CNTLN: variants seen among roughly 807,000 people sequenced by gnomAD.
The protein encoded by CNTLN is centlein, centrosomal protein.
CNTLN carries 212 observed loss-of-function variants against 180.0 expected under a neutral mutation model. The observed-to-expected ratio is 1.18, with a 90% CI of 1.05 to 1.32. The LOEUF (loss-of-function observed/expected upper bound fraction) is 1.32. Ranked by LOEUF, CNTLN falls within the 40% of genes most tolerant of loss-of-function variation. CNTLN has a pLI of 0.00. For synonymous variants in CNTLN, 722 were observed against 563.1 expected (o/e 1.28, Z -3.99); for missense variants, 2,095 against 1,610.9 (o/e 1.30, Z -5.14).
At chr9:17,269,635 T>G in intron 5 of CNTLN, among the ~76,000 whole-genome samples, 1 of 152,300 alleles carries the variant, frequency 6.6e-6, no homozygotes, top group Non-Finnish European at 1.5e-5. Flanking sequence ...AAAAAATACT[T>G]TATATAATTT....
chr9:17,386,066 T>C (rs980170993), intron 13 of CNTLN, among the ~76,000 whole-genome samples: 2 of 152,224 alleles, frequency 1.3e-5, no homozygotes, highest in African/African-American at 4.8e-5. Context: ...CAAATTGATA[T>C]AATCACAAAC....
chr9:17,135,086 C>A lies in CNTLN; in HGVS notation c.21C>A (p.Pro7=). The change falls in exon 1 of 26, where the codon CCC becomes CCA. Residue 7 remains proline, a synonymous_variant. Transcript: ENST00000380647. ...CAGCCATGGCGGCGCGTTCGCCTCCCTCACCGCACCCTTCGCCCCCAGCGC... is the reference window on the plus strand; with the variant it reads ...CAGCCATGGCGGCGCGTTCGCCTCCATCACCGCACCCTTCGCCCCCAGCGC... The part of the protein sequence containing the change: MAARSP[P]SPHPSPPARQ... 1 of 1,602,140 alleles carries A rather than the reference C, an allele frequency of 6.2e-7. No individual in the cohort carries two copies. Among genetic ancestry groups the A allele is most frequent in the Non-Finnish European group, 8.5e-7 (1 of 1,177,106 alleles).
chr9:17,399,746 T>C (rs994472814), intron 15 of CNTLN, among the ~76,000 whole-genome samples: 1 of 152,176 alleles, frequency 6.6e-6, no homozygotes, highest in Non-Finnish European at 1.5e-5. Flanking sequence ...CTCTGTGACC[T>C]TCTCCCCTGA....
At chr9:17,480,027 T>A (rs1832557243) in intron 23 of CNTLN, among the ~76,000 whole-genome samples, 1 of 152,094 alleles carries the variant, frequency 6.6e-6, no homozygotes, top group Non-Finnish European at 1.5e-5. Context: ...GTGCATATAT[T>A]TATTTCACAG....
chr9:17,259,653 T>G (rs1208873545), intron 5 of CNTLN, among the ~76,000 whole-genome samples: 10 of 151,074 alleles, frequency 6.6e-5, no homozygotes, highest in African/African-American at 1.2e-4. Flanking sequence ...CAATTTCAGA[T>G]CCTGTTATTG....
At chr9:17,277,384 C>T (rs969684432) in intron 6 of CNTLN, among the ~76,000 whole-genome samples, 2 of 152,094 alleles carry the variant, frequency 1.3e-5, no homozygotes, top group Middle Eastern at 3.4e-3. Flanking sequence ...CAGACAGAAT[C>T]CTGAAATTGG....
chr9:17,519,763 T>C, the CNTLN span, among the ~76,000 whole-genome samples: 1 of 152,220 alleles, frequency 6.6e-6, no homozygotes, highest in African/African-American at 2.4e-5. Flanking sequence ...CTTAAGTAAT[T>C]TTAACATGCA....
chr9:17,395,078 C>G lies in CNTLN; in HGVS notation c.2615+9C>G. On this transcript the variant is annotated intron_variant, in intron 15 of 25. Coordinates refer to ENST00000380647, the MANE Select transcript of CNTLN (RefSeq NM_017738.4). ...GATGTGAGTGAAAGCAGGTAAGGCT[C>G]TCATTAACTTAGCTCTGTGGTGGGG... The G allele has an allele frequency of 1.9e-6, 3 of 1,596,244 alleles. No homozygotes were observed. Among genetic ancestry groups the G allele is most frequent in the Admixed American group, 1.7e-5 (1 of 58,934 alleles).
chr9:17,322,907 C>A (rs2133051995), intron 8 of CNTLN, among the ~76,000 whole-genome samples: 1 of 152,206 alleles, frequency 6.6e-6, no homozygotes, highest in East Asian at 1.9e-4. Flanking sequence ...ACAACACAAG[C>A]TTTTTTATAT....
chr9:17,240,121 G>GTCT (rs74778678), intron 5 of CNTLN, among the ~76,000 whole-genome samples: 34,017 of 151,816 alleles, frequency 0.22, 5,109 homozygotes, highest in African/African-American at 0.43. Context: ...ACTTATTTTG[G>GTCT]TCTTCAATTT....
intron 5 of CNTLN, among the ~76,000 whole-genome samples, chr9:17,272,163 G>A (rs536268864): frequency 4.1e-4 from 50 of 123,426 alleles, no homozygotes; most frequent in South Asian, 1.8e-3. Context: ...TGCAACCTCC[G>A]CCTCCTGGGT....
intron 13 of CNTLN, among the ~76,000 whole-genome samples, chr9:17,386,198 T>C (rs1294032323): frequency 1.3e-5 from 2 of 151,366 alleles, no homozygotes; most frequent in Admixed American, 1.3e-4. Flanking sequence ...GAATACAAAG[T>C]AAAAGATTGC....
chr9:17,393,237 C>T (rs1367915851), intron 14 of CNTLN, among the ~76,000 whole-genome samples: 4 of 152,108 alleles, frequency 2.6e-5, no homozygotes, highest in African/African-American at 9.7e-5. Context: ...CTTCCAAAGG[C>T]GCCACCTCAT....
chr9:17,418,315 A>T (rs188033670), intron 18 of CNTLN, among the ~76,000 whole-genome samples: 1 of 152,172 alleles, frequency 6.6e-6, no homozygotes, highest in Non-Finnish European at 1.5e-5. Flanking sequence ...TGGAGAAATA[A>T]CTGATGTGGT....
intron 6 of CNTLN, among the ~76,000 whole-genome samples, chr9:17,294,662 A>G (rs929155114): frequency 6.7e-6 from 1 of 148,500 alleles, no homozygotes; most frequent in East Asian, 2.0e-4. Flanking sequence ...GCTGCCTGCC[A>G]GTCCCGTGCC....
chr9:17,397,646 A>G (rs945705740), intron 15 of CNTLN, among the ~76,000 whole-genome samples: 2 of 152,100 alleles, frequency 1.3e-5, no homozygotes, highest in Non-Finnish European at 1.5e-5. Flanking sequence ...TAGATTGCCT[A>G]ACTTACTGGG....
intron 18 of CNTLN, among the ~76,000 whole-genome samples, chr9:17,423,019 G>C (rs1828828516): frequency 6.6e-6 from 1 of 152,128 alleles, no homozygotes; most frequent in Admixed American, 6.5e-5. Context: ...AGAATTCCCT[G>C]GATTGCCAGA....
chr9:17,202,644 C>CTTTTTTT (rs1822613363), intron 2 of CNTLN, among the ~76,000 whole-genome samples: 2 of 87,094 alleles, frequency 2.3e-5, no homozygotes, highest in African/African-American at 5.3e-5. Context: ...ATTGCAACCT[C>CTTTTTTT]TGTTTTTTTT....
intron 12 of CNTLN, among the ~76,000 whole-genome samples, chr9:17,359,582 C>T (rs137911447): frequency 2.0e-5 from 3 of 151,324 alleles, no homozygotes; most frequent in African/African-American, 7.3e-5. Flanking sequence ...ACAGATATTT[C>T]ACATAAGAGG....
Sources: allele counts gnomAD v4.1 joint callset (sites outside exome capture counted in the v4.1 genomes callset), GRCh38; gene constraint gnomAD v4.1.1; transcripts MANE v1.5; gene names NCBI Gene and HGNC (gene_info 2026-07-23, HGNC 2026-07-21).